ZRANB3: variants seen among roughly 807,000 people sequenced by gnomAD.
The protein encoded by ZRANB3 is zinc finger RANBP2-type containing 3, also known as DNA annealing helicase and endonuclease ZRANB3.
In ZRANB3, 125 loss-of-function variants were observed where a neutral mutation model predicts 133.8. The ratio of observed to expected loss-of-function variants is 0.93; its 90% confidence interval spans 0.81 to 1.08. The LOEUF is 1.08. Among genes scored for constraint, ZRANB3 ranks in the 50% least tolerant of loss-of-function variants. The pLI is 0.00. For synonymous variants in ZRANB3, 387 were observed against 432.7 expected, an observed-to-expected ratio of 0.89 and a Z score of 1.31; for missense variants, 1,229 against 1,275.5, an observed-to-expected ratio of 0.96 and a Z score of 0.56.
intron 2 of ZRANB3, among the ~76,000 whole-genome samples, chr2:135,415,030 T>G (rs1236071647): frequency 2.0e-5 from 3 of 149,500 alleles, no homozygotes; most frequent in Non-Finnish European, 4.4e-5. Flanking sequence ...CACCCTAACA[T>G]CACAATTAAA....
chr2:135,404,197 A>C (rs2104943609), intron 2 of ZRANB3, among the ~76,000 whole-genome samples: 1 of 152,082 alleles, frequency 6.6e-6, no homozygotes, highest in African/African-American at 2.4e-5. Context: ...TAAGTCAAAA[A>C]CCTTGAAAAA....
At chr2:135,224,386 T>C in intron 15 of ZRANB3, 40 bp downstream of exon 15, 1 of 1,504,640 alleles carries the variant, frequency 6.6e-7, no homozygotes, top group Non-Finnish European at 9.0e-7. Context: ...AAAGGAAGTC[T>C]TTTTTATGTT....
chr2:135,315,129 CT>C (rs1042431660), intron 7 of ZRANB3, among the ~76,000 whole-genome samples: 3 of 151,394 alleles, frequency 2.0e-5, no homozygotes, highest in Admixed American at 6.6e-5. Flanking sequence ...AGCAAAAATA[CT>C]TTTTTTTTAA....
chr2:135,468,585 C>A (rs1691107706), intron 2 of ZRANB3, among the ~76,000 whole-genome samples: 1 of 152,162 alleles, frequency 6.6e-6, no homozygotes, highest in Non-Finnish European at 1.5e-5. Flanking sequence ...CTCTCTGTGG[C>A]CAATATATAG....
At chr2:135,235,001 C>G (rs1230627597) in intron 12 of ZRANB3, among the ~76,000 whole-genome samples, 1 of 152,132 alleles carries the variant, frequency 6.6e-6, no homozygotes, top group Non-Finnish European at 1.5e-5. Context: ...AATCCAGGAG[C>G]TGGTTTTTTG....
chr2:135,313,846 C>A (rs1041422755), intron 7 of ZRANB3, among the ~76,000 whole-genome samples: 1 of 152,120 alleles, frequency 6.6e-6, no homozygotes, highest in Admixed American at 6.6e-5. Flanking sequence ...TTGCTAACAG[C>A]ATAAATCAAA....
chr2:135,384,450 T>C (rs568243738), intron 3 of ZRANB3, among the ~76,000 whole-genome samples: 6 of 152,262 alleles, frequency 3.9e-5, no homozygotes, highest in African/African-American at 1.4e-4. Flanking sequence ...TCTGAAACTA[T>C]TCCAATCAAT....
chr2:135,297,280 G>T (rs1418431540), intron 8 of ZRANB3, among the ~76,000 whole-genome samples: 1 of 152,178 alleles, frequency 6.6e-6, no homozygotes, highest in Non-Finnish European at 1.5e-5. Context: ...GCAATGGGGG[G>T]CACCCCTCCC....
At position 135,207,470 on chromosome 2, in the gene ZRANB3, C is replaced by G. The variant is rs764794470; in HGVS notation, c.2973G>C (p.Leu991=). Residue 991 remains leucine, a synonymous_variant, in exon 19 of 21, where the codon CTG becomes CTC. Transcript: ENST00000264159. ...DAPKSQRKNL[L]YATWTSKLPL... Reference sequence around the variant, plus strand: ...GGAGCTTTGAAGTCCAGGTAGCATACAGAAGATTCTTCCTCTGACTTTTAG... The same window carrying G: ...GGAGCTTTGAAGTCCAGGTAGCATAGAGAAGATTCTTCCTCTGACTTTTAG... The G allele has an allele frequency of 6.2e-7, 1 of 1,613,610 alleles. No homozygotes were observed. Among genetic ancestry groups the G allele is most frequent in the Non-Finnish European group, 8.5e-7 (1 of 1,179,698 alleles).
intron 2 of ZRANB3, among the ~76,000 whole-genome samples, chr2:135,443,902 T>C (rs1689905323): frequency 6.6e-6 from 1 of 152,218 alleles, no homozygotes; most frequent in East Asian, 1.9e-4. Flanking sequence ...ATAAAAGCTA[T>C]GTAAGAAGAA....
chr2:135,230,665 C>T lies in ZRANB3; in HGVS notation c.1802G>A (p.Arg601Gln), dbSNP rs76333606. ...CTGTACACTTTCCACGAGTGGAGTT[C>T]GGATTTGCTTGGACTGGGATGGTGT... ...EETPSQSKQI[R>Q]TPLVESVQEA... The change falls in exon 13 of 21, where the codon CGA (arginine) becomes CAA (glutamine). Residue 601 changes from arginine to glutamine, a missense_variant. Coordinates refer to ENST00000264159, the MANE Select transcript of ZRANB3 (RefSeq NM_032143.4). 0.025 allele frequency: 40,932 copies of T among 1,613,316 alleles called. 1,588 individuals are homozygous for T. Among genetic ancestry groups the T allele is most frequent in the South Asian group, 0.13 (12,258 of 90,802 alleles).
intron 2 of ZRANB3, among the ~76,000 whole-genome samples, chr2:135,431,507 T>C (rs1403950166): frequency 6.6e-6 from 1 of 152,078 alleles, no homozygotes; most frequent in Admixed American, 6.6e-5. Flanking sequence ...TATCTGCTCT[T>C]TGAAAGACAC....
chr2:135,426,825 C>A (rs1689090824), intron 2 of ZRANB3, among the ~76,000 whole-genome samples: 1 of 63,800 alleles, frequency 1.6e-5, no homozygotes, highest in Non-Finnish European at 2.7e-5. Flanking sequence ...GAGAGAGACT[C>A]TGTCTCAAAA....
At chr2:135,232,144 A>G (rs962533749) in intron 12 of ZRANB3, among the ~76,000 whole-genome samples, 1 of 152,186 alleles carries the variant, frequency 6.6e-6, no homozygotes, top group Non-Finnish European at 1.5e-5. Flanking sequence ...AGGAGATTAT[A>G]TCCCGCGCCT....
intron 1 of ZRANB3, among the ~76,000 whole-genome samples, chr2:135,506,102 T>C (rs1012077429): frequency 6.6e-6 from 1 of 152,106 alleles, no homozygotes; most frequent in African/African-American, 2.4e-5. Context: ...GAAAGAAGGC[T>C]AAGGTGGACC....
chr2:135,396,924 T>A (rs1200077144), intron 2 of ZRANB3, among the ~76,000 whole-genome samples: 1 of 152,006 alleles, frequency 6.6e-6, no homozygotes, highest in Non-Finnish European at 1.5e-5. Flanking sequence ...TATATACACT[T>A]ACTCTGTACC....
chr2:135,273,642 G>A (rs1054398037), intron 9 of ZRANB3, among the ~76,000 whole-genome samples: 1 of 151,966 alleles, frequency 6.6e-6, no homozygotes, highest in Non-Finnish European at 1.5e-5. Flanking sequence ...AGGTTCAAGC[G>A]ATTCTCCTGC....
At chr2:135,231,328 T>C (rs1160155385) in intron 12 of ZRANB3, among the ~76,000 whole-genome samples, 1 of 152,152 alleles carries the variant, frequency 6.6e-6, no homozygotes, top group Non-Finnish European at 1.5e-5. Context: ...CCTAAATATA[T>C]GTCACGGAAA....
At chr2:135,466,977 A>T (rs182937284) in intron 2 of ZRANB3, among the ~76,000 whole-genome samples, 52 of 152,156 alleles carry the variant, frequency 3.4e-4, no homozygotes, top group Admixed American at 1.0e-3. Flanking sequence ...TGTGATCTGA[A>T]AAGTTATTGC....
Sources: allele counts gnomAD v4.1 joint callset (sites outside exome capture counted in the v4.1 genomes callset), GRCh38; gene constraint gnomAD v4.1.1; transcripts MANE v1.5; gene names NCBI Gene and HGNC (gene_info 2026-07-23, HGNC 2026-07-21).